Variants in ARSB observed in about 807,000 individuals in gnomAD.
ARSB encodes arylsulfatase B, also known as N-acetylgalactosamine-4-sulfatase.
A neutral mutation model predicts 50.9 loss-of-function variants in ARSB; 41 were observed. The ratio of observed to expected loss-of-function variants is 0.81; its 90% confidence interval spans 0.63 to 1.04. The LOEUF (loss-of-function observed/expected upper bound fraction) is 1.04, where lower values mean the gene tolerates loss of function less well. ARSB is among the 50% of genes least tolerant of loss of function. The pLI is 0.00. For synonymous variants in ARSB, 269 were observed against 284.8 expected (o/e 0.94, Z 0.56); for missense variants, 672 against 693.3 (o/e 0.97, Z 0.35).
chr5:78,862,303 C>G (rs1351790544), intron 5 of ARSB, among the ~76,000 whole-genome samples: 1 of 152,106 alleles, frequency 6.6e-6, no homozygotes, highest in African/African-American at 2.4e-5. Context: ...GCCCGCGTTG[C>G]CAAGACAATC....
chr5:78,958,167 AG>A (rs1751819463), intron 3 of ARSB, among the ~76,000 whole-genome samples: 1 of 152,048 alleles, frequency 6.6e-6, no homozygotes. Context: ...TCACTTCTTT[AG>A]GTTAGCAGCC....
chr5:78,797,260 C>T (rs1743221380), intron 6 of ARSB, among the ~76,000 whole-genome samples: 1 of 152,120 alleles, frequency 6.6e-6, no homozygotes, highest in South Asian at 2.1e-4. Context: ...CTGCGCCCGG[C>T]CTCTACCTGC....
chr5:78,817,191 C>T (rs2112667494), intron 6 of ARSB: 1 of 825,296 alleles, frequency 1.2e-6, no homozygotes, highest in East Asian at 1.2e-4. Flanking sequence ...CTATGGTGAC[C>T]ACTGTTGTCC....
intron 5 of ARSB, among the ~76,000 whole-genome samples, chr5:78,856,738 T>C (rs1048723327): frequency 7.9e-5 from 12 of 152,216 alleles, no homozygotes; most frequent in African/African-American, 2.2e-4. Flanking sequence ...CACACACATA[T>C]ATGCATGTAT....
chr5:78,851,619 A>G (rs139268321), intron 5 of ARSB, among the ~76,000 whole-genome samples: 3,028 of 152,074 alleles, frequency 0.02, 97 homozygotes, highest in African/African-American at 0.067. Context: ...TATCTTTGTT[A>G]ACTTTCTGTC....
intron 6 of ARSB, among the ~76,000 whole-genome samples, chr5:78,822,878 C>T (rs1479453643): frequency 5.3e-5 from 8 of 152,140 alleles, no homozygotes; most frequent in Admixed American, 3.9e-4. Context: ...CCTCATGATC[C>T]GCCCGCCTCG....
intron 4 of ARSB, among the ~76,000 whole-genome samples, chr5:78,911,572 T>TAAAAAAAAAAAAAAAAAAAAAA (rs71001137): frequency 1.5e-5 from 1 of 67,866 alleles, no homozygotes; most frequent in African/African-American, 7.8e-5. Context: ...AGACTCCCTC[T>TAAAAAAAAAAAAAAAAAAAAAA]AAAAAAAAAA....
chr5:78,937,212 C>A (rs1012381933), intron 4 of ARSB, among the ~76,000 whole-genome samples: 1 of 150,356 alleles, frequency 6.7e-6, no homozygotes, highest in Admixed American at 6.7e-5. Context: ...TGGAAAGTTT[C>A]TTGCAATTTA....
In ARSB at chr5:78,777,645, G is replaced by A. The variant is rs964286405; in HGVS notation, c.*2752C>T. ...AAGTGGGTGGATCACTTGAGGTCAG[G>A]AGTTTGAGACCAGCCTGGCCAACAT... On this transcript the variant is annotated 3_prime_UTR_variant, in exon 8 of 8. Transcript: ENST00000264914. 1.3e-5 allele frequency: 2 copies of A among 152,442 alleles called. No individual in the cohort carries two copies. Among genetic ancestry groups the A allele is most frequent in the African/African-American group, 4.8e-5 (2 of 41,386 alleles). The allele number at this position is 152,442 out of a possible 1,614,324, so 9.4% of individuals were successfully genotyped here.
At chr5:78,973,492 C>T (rs1461558833) in intron 1 of ARSB, among the ~76,000 whole-genome samples, 5 of 152,156 alleles carry the variant, frequency 3.3e-5, no homozygotes, top group African/African-American at 1.2e-4. Flanking sequence ...ATTGGTTGCA[C>T]GTAACAATTT....
chr5:78,778,687 T>A lies in ARSB; in HGVS notation c.*1710A>T, dbSNP rs1042258162. On this transcript the variant is annotated 3_prime_UTR_variant, in exon 8 of 8. Transcript: ENST00000264914. ...CATTGGACTAGCATCTTTCATGGTGTGAGACTTTCTCATTTACTCATTTGT... is the reference window on the plus strand; with the variant it reads ...CATTGGACTAGCATCTTTCATGGTGAGAGACTTTCTCATTTACTCATTTGT... 1.3e-5 allele frequency: 2 copies of A among 152,230 alleles called. No individual in the cohort carries two copies. Among genetic ancestry groups the A allele is most frequent in the Admixed American group, 6.5e-5 (1 of 15,284 alleles). The allele number at this position is 152,230 out of a possible 1,614,324, so 9.4% of individuals were successfully genotyped here.
At chr5:78,839,319 A>G (rs1457667572) in intron 6 of ARSB, 37 bp downstream of exon 6, 9 of 1,594,916 alleles carry the variant, frequency 5.6e-6, no homozygotes, top group Non-Finnish European at 7.7e-6. Flanking sequence ...TGGTGGGCCA[A>G]TTAGATTTAA....
At chr5:78,789,355 A>C (rs1375084813) in intron 6 of ARSB, among the ~76,000 whole-genome samples, 2 of 152,246 alleles carry the variant, frequency 1.3e-5, no homozygotes, top group Non-Finnish European at 2.9e-5. Context: ...TAAGAAGAGG[A>C]AAGTCCATGG....
At chr5:78,847,812 T>A (rs746268149) in intron 5 of ARSB, among the ~76,000 whole-genome samples, 4 of 152,112 alleles carry the variant, frequency 2.6e-5, no homozygotes, top group Non-Finnish European at 5.9e-5. Context: ...TATACATGAA[T>A]TTATCCATTT....
chr5:78,885,837 A>C lies in ARSB; in HGVS notation c.899-10T>G, dbSNP rs727503810. 3 of 1,614,238 alleles carry C rather than the reference A, an allele frequency of 1.9e-6. No individual in the cohort carries two copies. The highest frequency in any genetic ancestry group is 2.5e-6 in the Non-Finnish European group (3 of 1,180,048). ...GTCTGCCCTCCGTTATCTGAAACAC[A>C]GTAAGGTCTTGGCATGAGGATGATG... is the stretch of plus-strand genomic sequence containing the variant. On this transcript the variant is annotated splice_polypyrimidine_tract_variant and intron_variant, in intron 4 of 7. Coordinates refer to ENST00000264914, the MANE Select transcript of ARSB (RefSeq NM_000046.5).
chr5:78,837,528 C>A (rs1448869059), intron 6 of ARSB, among the ~76,000 whole-genome samples: 1 of 151,950 alleles, frequency 6.6e-6, no homozygotes, highest in African/African-American at 2.4e-5. Context: ...GGTTTTTAGG[C>A]CAATAGAAAT....
At chr5:78,810,291 T>A (rs985328539) in intron 6 of ARSB, among the ~76,000 whole-genome samples, 1 of 152,242 alleles carries the variant, frequency 6.6e-6, no homozygotes, top group Non-Finnish European at 1.5e-5. Context: ...CTCTCTGATC[T>A]CATGACTTTC....
intron 4 of ARSB, among the ~76,000 whole-genome samples, chr5:78,905,596 AG>A (rs1749024623): frequency 6.6e-6 from 1 of 152,110 alleles, no homozygotes; most frequent in South Asian, 2.1e-4. Context: ...TGTGCCACTC[AG>A]GGGTTAATCT....
In ARSB at chr5:78,778,280, T is replaced by C. The variant is rs1561419992; in HGVS notation, c.*2117A>G. 1.3e-5 allele frequency: 2 copies of C among 152,058 alleles called. No individual in the cohort carries two copies. Among genetic ancestry groups the C allele is most frequent in the East Asian group, 1.9e-4 (1 of 5,176 alleles). 9.4% of individuals were successfully genotyped at this position (152,058 alleles called of 1,614,324 possible). A position where few individuals can be genotyped will look rare whatever the true frequency, so the allele number is the denominator to read the frequency against. On this transcript the variant is annotated 3_prime_UTR_variant, in exon 8 of 8. Coordinates refer to ENST00000264914, the MANE Select transcript of ARSB (RefSeq NM_000046.5). ...GGTCAGCTGTTTGCCAACCCAGGAG[T>C]TGGGTAAAGGTTGGTAAGAGATGTT...
Sources: gnomAD v4.1 joint callset for allele counts (sites outside exome capture counted in the v4.1 genomes callset) on GRCh38, gnomAD v4.1.1 for gene constraint, MANE v1.5 for transcripts, NCBI Gene and HGNC (gene_info 2026-07-23, HGNC 2026-07-21) for gene names.